The following EIF2B2 variants were observed in gnomAD, a reference collection of about 807,000 sequenced individuals.
EIF2B2 encodes the protein translation initiation factor eIF2B subunit beta.
In EIF2B2, 34 loss-of-function variants were observed where a neutral mutation model predicts 34.7. The observed-to-expected ratio is 0.98, with a 90% CI of 0.75 to 1.31. The LOEUF (loss-of-function observed/expected upper bound fraction) is 1.31, where lower values mean the gene tolerates loss of function less well. Among genes scored for constraint, EIF2B2 ranks in the 50% most tolerant of loss-of-function variants. EIF2B2 has a pLI of 0.00. For synonymous variants in EIF2B2, 155 were observed against 171.6 expected (o/e 0.90, Z 0.76); for missense variants, 361 against 447.7 (o/e 0.81, Z 1.75).
At chr14:75,007,164 T>C in intron 6 of EIF2B2, 3 of 433,904 alleles carry the variant, frequency 6.9e-6, no homozygotes, top group South Asian at 4.9e-5. Context: ...TTTATAGGTC[T>C]CTATTTTTTA....
chr14:75,011,111 A>C lies in EIF2B2; in HGVS notation c.*1923A>C, dbSNP rs146407752. The C allele has an allele frequency of 5.3e-5, 8 of 152,354 alleles. No homozygotes were observed. The highest frequency in any genetic ancestry group is 1.9e-4 in the African/African-American group (8 of 41,576). 9.4% of individuals were successfully genotyped at this position (152,354 alleles called of 1,614,324 possible). A position where few individuals can be genotyped will look rare whatever the true frequency, so the allele number is the denominator to read the frequency against. On this transcript the variant is annotated 3_prime_UTR_variant, in exon 8 of 8. Coordinates refer to ENST00000266126, the MANE Select transcript of EIF2B2 (RefSeq NM_014239.4). ...GTAGTCCCAGCTACTCGGGAGGCTG[A>C]ACTTGGGAAGTAGAGGTTGCAGTGA... is the stretch of plus-strand genomic sequence containing the variant.
intron 6 of EIF2B2, chr14:75,007,418 G>A (rs907587874): frequency 3.4e-5 from 12 of 357,350 alleles, no homozygotes; most frequent in Non-Finnish European, 5.9e-5. Context: ...CATATAATAT[G>A]TGACATGTTG....
In EIF2B2 at chr14:75,005,818, C is replaced by T. The variant is rs772471700; in HGVS notation, c.598-48C>T. 1.3e-5 allele frequency: 19 copies of T among 1,430,194 alleles called. No individual in the cohort carries two copies. In the East Asian group the frequency reaches 3.9e-4, roughly 29 times the overall value. The allele number at this position is 1,430,194 out of a possible 1,614,324, so 88.6% of individuals were successfully genotyped here. On this transcript the variant is annotated intron_variant, in intron 4 of 7. Coordinates refer to ENST00000266126, the MANE Select transcript of EIF2B2 (RefSeq NM_014239.4). ...CAGTTACATTTGAGAGCACTTTTCA[C>T]TATTTCTCACTCTTTCTCTTAGAAT...
At chr14:75,008,837 G>A (rs1488067450) in intron 7 of EIF2B2, among the ~76,000 whole-genome samples, 194 bp from the exon 8 acceptor site, 1 of 152,208 alleles carries the variant, frequency 6.6e-6, no homozygotes, top group Admixed American at 6.5e-5. Flanking sequence ...TCTGAGGGCT[G>A]TGCAGAGGCA....
Position 75,006,568 on chromosome 14 carries a change from G to A in EIF2B2, c.694-9G>A. The A allele has an allele frequency of 6.2e-7, 1 of 1,613,530 alleles. No homozygotes were observed. ...CAGGATGGCTCACATTTTTTGTCTT[G>A]TCCCAAAGGTGATCATTGGCACGAA... On this transcript the variant is annotated splice_polypyrimidine_tract_variant and intron_variant, in intron 5 of 7. Coordinates refer to ENST00000266126, the MANE Select transcript of EIF2B2 (RefSeq NM_014239.4). The surrounding 1 kb of genome is among the most constrained non-coding windows in gnomAD (Gnocchi z 4.1).
At chr14:75,005,132 C>T in intron 4 of EIF2B2, 1 of 451,334 alleles carries the variant, frequency 2.2e-6, no homozygotes, top group Non-Finnish European at 4.1e-6. Flanking sequence ...AATCCCAGCA[C>T]TTTGGGAGGC....
In EIF2B2 at chr14:75,010,037, A is replaced by G. The variant is rs1889684126; in HGVS notation, c.*849A>G. 1 of 152,208 alleles carries G rather than the reference A, an allele frequency of 6.6e-6. No homozygotes were observed. Among genetic ancestry groups the G allele is most frequent in the Non-Finnish European group, 1.5e-5 (1 of 68,056 alleles). 9.4% of individuals were successfully genotyped at this position (152,208 alleles called of 1,614,324 possible). A position where few individuals can be genotyped will look rare whatever the true frequency, so the allele number is the denominator to read the frequency against. ...AAATAACAAGTACAAATGAAAGTATAGTTTCCTTTACAATTCACTGCTCCT... is the reference window on the plus strand; with the variant it reads ...AAATAACAAGTACAAATGAAAGTATGGTTTCCTTTACAATTCACTGCTCCT... On this transcript the variant is annotated 3_prime_UTR_variant, in exon 8 of 8. Coordinates refer to ENST00000266126, the MANE Select transcript of EIF2B2 (RefSeq NM_014239.4).
Position 75,009,076 on chromosome 14 carries a change from A to G in EIF2B2, c.944A>G (p.Tyr315Cys). 1.9e-6 allele frequency: 3 copies of G among 1,614,112 alleles called. No individual in the cohort carries two copies. Among genetic ancestry groups the G allele is most frequent in the Non-Finnish European group, 2.5e-6 (3 of 1,180,014 alleles). The change falls in exon 8 of 8, where the codon TAC becomes TGC. Residue 315 changes from tyrosine to cysteine, a missense_variant. Transcript: ENST00000266126. ...AGCGTGCATTGCCCTGTGTTTGACT[A>G]CGTTCCCCCAGAGCTCATTACCCTC... ...KVSVHCPVFD[Y>C]VPPELITLFI...
Position 75,012,279 on chromosome 14 carries a change from G to A in EIF2B2, c.*3091G>A, listed in dbSNP as rs1206550311. 1.3e-5 allele frequency: 2 copies of A among 152,108 alleles called. No homozygotes were observed. The highest frequency in any genetic ancestry group is 1.9e-4 in the East Asian group (1 of 5,184). 9.4% of individuals were successfully genotyped at this position (152,108 alleles called of 1,614,324 possible). Reference sequence around the variant, plus strand: ...GAAAAAAACAAACAAAAAAACAACTGTTGTAGCTTGGAGAGAATTAATAGA... The same window carrying A: ...GAAAAAAACAAACAAAAAAACAACTATTGTAGCTTGGAGAGAATTAATAGA... On this transcript the variant is annotated 3_prime_UTR_variant, in exon 8 of 8. Transcript: ENST00000266126.
rs1889570867 is a variant in EIF2B2, at chr14:75,003,390, T to C, written c.279T>C (p.Tyr93=). ...RRVLKIIREE[Y]GRLHGRSDES... is the part of the protein sequence containing the mutation. ...TGCTCAAGATTATCCGGGAGGAGTATGGCAGGTCAGGCTCACGTCCTGGGC... is the reference window on the plus strand; with the variant it reads ...TGCTCAAGATTATCCGGGAGGAGTACGGCAGGTCAGGCTCACGTCCTGGGC... Residue 93 remains tyrosine (Y), a synonymous_variant, in exon 2 of 8, where the codon TAT becomes TAC. Coordinates refer to ENST00000266126, the MANE Select transcript of EIF2B2 (RefSeq NM_014239.4). The C allele has an allele frequency of 6.2e-7, 1 of 1,613,700 alleles. No homozygotes were observed. The highest frequency in any genetic ancestry group is 1.3e-5 in the African/African-American group (1 of 74,798).
At chr14:75,004,689 A>ATAGTTTTTT in intron 3 of EIF2B2, 48 bp from the exon 4 acceptor site, 1 of 146,204 alleles carries the variant, frequency 6.8e-6, no homozygotes, top group African/African-American at 7.2e-5. Flanking sequence ...ATATATATAT[A>ATAGTTTTTT]TTTTTTTTTT....
In EIF2B2 at chr14:75,004,850, C is replaced by T. The variant is rs104894427; in HGVS notation, c.547C>T (p.Arg183Ter). 39 of 1,612,766 alleles carry T rather than the reference C, an allele frequency of 2.4e-5. No individual in the cohort carries two copies. Among genetic ancestry groups the T allele is most frequent in the Middle Eastern group, 1.7e-4 (1 of 6,054 alleles). The change falls in exon 4 of 8, where the codon CGA (arginine) becomes TGA (stop). Residue 183 changes from arginine to a stop codon, truncating the protein, a stop_gained. Coordinates refer to ENST00000266126, the MANE Select transcript of EIF2B2 (RefSeq NM_014239.4). LOFTEE classifies it high-confidence loss of function. ...AGAGGCCTTCCTCAAAGAGGCTGCCCGAAAGAGGAAATTCCATGTCATTGT... is the reference window on the plus strand; with the variant it reads ...AGAGGCCTTCCTCAAAGAGGCTGCCTGAAAGAGGAAATTCCATGTCATTGT... ...TVEAFLKEAARKRKFHVIVAE... is the reference protein window; with the variant it reads ...TVEAFLKEAA
At chr14:75,005,070 C>G in intron 4 of EIF2B2, 170 bp downstream of exon 4, 1 of 727,608 alleles carries the variant, frequency 1.4e-6, no homozygotes, top group Non-Finnish European at 2.3e-6. Context: ...TGTGAACATT[C>G]ATAAATAGTG....
At position 75,004,955 on chromosome 14, in the gene EIF2B2, AACGAGAG is replaced by A. The variant is rs963775899; in HGVS notation, c.597+57_597+63del. 3.8e-6 allele frequency: 6 copies of A among 1,569,292 alleles called. No individual in the cohort carries two copies. The African/African-American group carries it at 8.2e-5, about 21-fold the overall frequency. On this transcript the variant is annotated intron_variant, in intron 4 of 7. Coordinates refer to ENST00000266126, the MANE Select transcript of EIF2B2 (RefSeq NM_014239.4). Reference sequence around the variant, plus strand: ...AAAAATGAAAAATGAAGAAGAAATAAACGAGAGATGGGTAGGGCCATTCCAACCTTGA... The same window carrying A: ...AAAAATGAAAAATGAAGAAGAAATAAATGGGTAGGGCCATTCCAACCTTGA...
Position 75,002,945 on chromosome 14 carries a change from C to G in EIF2B2, c.-46C>G, listed in dbSNP as rs1330533762. The stretch of plus-strand genomic sequence containing the variant: ...CGGAAGTGCAAACTGTGTGGTCTGG[C>G]AGGTGTGGATTCCGCCGGTGAAGGC... On this transcript the variant is annotated 5_prime_UTR_variant, in exon 1 of 8. Coordinates refer to ENST00000266126, the MANE Select transcript of EIF2B2 (RefSeq NM_014239.4). 4 of 1,612,780 alleles carry G rather than the reference C, an allele frequency of 2.5e-6. No homozygotes were observed. The East Asian group carries it at 6.7e-5, about 27-fold the overall frequency.
intron 4 of EIF2B2, 134 bp downstream of exon 4, chr14:75,005,034 TAAGTG>T: frequency 1.1e-6 from 1 of 950,058 alleles, no homozygotes; most frequent in East Asian, 2.7e-5. Flanking sequence ...AGTAAAACAT[TAAGTG>T]AATTTTCAAG....
Position 75,003,627 on chromosome 14 carries a change from G to A in EIF2B2, c.361G>A (p.Asp121Asn). Reference sequence around the variant, plus strand: ...GTTGACATCCGGAGGCCTAAACGAGGATTTCAGCTTCCATTATGCCCAACT... The same window carrying A: ...GTTGACATCCGGAGGCCTAAACGAGAATTTCAGCTTCCATTATGCCCAACT... ...KLLTSGGLNEDFSFHYAQLQS... is the reference protein window; with the variant it reads ...KLLTSGGLNENFSFHYAQLQS... The change falls in exon 3 of 8, where the codon GAT becomes AAT. Residue 121 changes from aspartate (D) to asparagine (N), a missense_variant. By Grantham distance (23) the Asp-to-Asn change is conservative (BLOSUM62 1). Transcript: ENST00000266126. 6.2e-7 allele frequency: 1 copy of A among 1,614,176 alleles called. No homozygotes were observed. Among genetic ancestry groups the A allele is most frequent in the Non-Finnish European group, 8.5e-7 (1 of 1,180,040 alleles).
rs1232273710 is a variant in EIF2B2 at position 75,002,946 on chromosome 14, A to C, written c.-45A>C. 3.7e-6 allele frequency: 6 copies of C among 1,613,006 alleles called. No homozygotes were observed. The highest frequency in any genetic ancestry group is 5.1e-6 in the Non-Finnish European group (6 of 1,179,902). The stretch of plus-strand genomic sequence containing the variant: ...GGAAGTGCAAACTGTGTGGTCTGGC[A>C]GGTGTGGATTCCGCCGGTGAAGGCT... On this transcript the variant is annotated 5_prime_UTR_variant, in exon 1 of 8. Coordinates refer to ENST00000266126, the MANE Select transcript of EIF2B2 (RefSeq NM_014239.4).
chr14:75,008,593 T>G, intron 7 of EIF2B2: 2 of 273,870 alleles, frequency 7.3e-6, no homozygotes, highest in South Asian at 4.2e-5. Flanking sequence ...GGGCCTGAGA[T>G]TGAGGAAGGG....
Sources: allele counts gnomAD v4.1 joint callset (sites outside exome capture counted in the v4.1 genomes callset), GRCh38; gene constraint gnomAD v4.1.1; non-coding constraint Gnocchi (gnomAD v3.1); transcripts MANE v1.5; gene names NCBI Gene and HGNC (gene_info 2026-07-23, HGNC 2026-07-21).